Variants in GRAMD2A observed in about 807,000 individuals in gnomAD.
GRAMD2A encodes the protein GRAM domain-containing protein 2A.
Under a neutral mutation model 51.1 loss-of-function variants are expected in GRAMD2A, and 37 were observed. The observed-to-expected ratio is 0.72, with a 90% CI of 0.56 to 0.95. The LOEUF is 0.95. GRAMD2A is among the 40% of genes least tolerant of loss of function. The probability of loss-of-function intolerance (pLI) is 0.00; values close to 1 mark genes in which losing one functional copy is unlikely to be tolerated. For missense variants in GRAMD2A, 414 were observed against 426.9 expected (o/e 0.97, Z 0.27); for synonymous variants, 136 against 157.1 (o/e 0.87, Z 1.01).
chr15:72,164,142 C>T lies in GRAMD2A; in HGVS notation c.601-385G>A, dbSNP rs1360721132. On this transcript the variant is annotated intron_variant, in intron 8 of 11. Coordinates refer to ENST00000309731, the MANE Select transcript of GRAMD2A (RefSeq NM_001012642.3). ...CCTAACCTTGGCAGGGAGGACTTAGCGTCCCCATCTACAAAAATGGGAACT... is the reference window on the plus strand; with the variant it reads ...CCTAACCTTGGCAGGGAGGACTTAGTGTCCCCATCTACAAAAATGGGAACT... Among the ~76,000 whole-genome samples, 8 of 152,144 alleles carry T rather than the reference C, an allele frequency of 5.3e-5. 1 individual carries two copies. In the South Asian group the frequency reaches 8.3e-4, roughly 16 times the overall value.
chr15:72,178,617 C>T (rs2081672779), intron 1 of GRAMD2A, among the ~76,000 whole-genome samples: 2 of 140,872 alleles, frequency 1.4e-5, no homozygotes, highest in Admixed American at 7.2e-5. Context: ...GCTCTATCGC[C>T]CAGGCTGGAG....
At position 72,159,874 on chromosome 15, in the gene GRAMD2A, A is replaced by C. The variant is rs1243106765; in HGVS notation, c.*2135T>G. The C allele has an allele frequency of 6.6e-6, 1 of 152,218 alleles. No homozygotes were observed. The highest frequency in any genetic ancestry group is 1.5e-5 in the Non-Finnish European group (1 of 68,050). The allele number at this position is 152,218 out of a possible 1,614,324, so 9.4% of individuals were successfully genotyped here. Reference sequence around the variant, plus strand: ...GGCTAAGGCCATAGCAAAACAACCCAAGGGTGGTTGAATCAAACTCAGGGA... The same window carrying C: ...GGCTAAGGCCATAGCAAAACAACCCCAGGGTGGTTGAATCAAACTCAGGGA... On this transcript the variant is annotated 3_prime_UTR_variant, in exon 12 of 12. Coordinates refer to ENST00000309731, the MANE Select transcript of GRAMD2A (RefSeq NM_001012642.3).
chr15:72,186,913 G>C (rs1475708589), intron 1 of GRAMD2A, among the ~76,000 whole-genome samples: 1 of 151,586 alleles, frequency 6.6e-6, no homozygotes, highest in Non-Finnish European at 1.5e-5. Context: ...TTGAGAAGCC[G>C]AGACAGGTGG....
At chr15:72,168,876 T>C in intron 3 of GRAMD2A, 63 bp downstream of exon 3, 1 of 1,503,810 alleles carries the variant, frequency 6.6e-7, no homozygotes, top group Non-Finnish European at 9.3e-7. Flanking sequence ...CAAAAGTCAC[T>C]GAATTCTGGC....
chr15:72,169,882 C>T lies in GRAMD2A; in HGVS notation c.99G>A (p.Glu33=). 6.2e-7 allele frequency: 1 copy of T among 1,614,202 alleles called. No individual in the cohort carries two copies. Among genetic ancestry groups the T allele is most frequent in the Non-Finnish European group, 8.5e-7 (1 of 1,180,028 alleles). The part of the protein sequence containing the change: ...ASLNSPVSCK[E]KPDRVEEPPD... ...GGGGCTCCTCAACTCTGTCTGGTTTCTCTTTGCAGGACACAGGACTGTTCA... is the reference window on the plus strand; with the variant it reads ...GGGGCTCCTCAACTCTGTCTGGTTTTTCTTTGCAGGACACAGGACTGTTCA... Residue 33 remains glutamate, a synonymous_variant, in exon 2 of 12, where the codon GAG becomes GAA. Coordinates refer to ENST00000309731, the MANE Select transcript of GRAMD2A (RefSeq NM_001012642.3).
rs914667985 is a variant in GRAMD2A, at chr15:72,170,536, G to A, written c.42-597C>T. Among the ~76,000 whole-genome samples, 1 of 152,170 alleles carries A rather than the reference G, an allele frequency of 6.6e-6. No individual in the cohort carries two copies. The highest frequency in any genetic ancestry group is 2.4e-5 in the African/African-American group (1 of 41,428). On this transcript the variant is annotated intron_variant, in intron 1 of 11. Coordinates refer to ENST00000309731, the MANE Select transcript of GRAMD2A (RefSeq NM_001012642.3). This position sits in a 1 kb window ranked among gnomAD's most constrained non-coding sequence, Gnocchi z 4.5. ...CCACCTTGGACAGTCAGGACAGCTT[G>A]ATGATGAGAGCCAAACCATCTCAAA...
At position 72,161,753 on chromosome 15, in the gene GRAMD2A, T is replaced by G. The variant is rs2081478069; in HGVS notation, c.*256A>C. 2 of 504,200 alleles carry G rather than the reference T, an allele frequency of 4.0e-6. No homozygotes were observed. The highest frequency in any genetic ancestry group is 2.2e-5 in the South Asian group (1 of 45,008). 31.2% of individuals were successfully genotyped at this position (504,200 alleles called of 1,614,324 possible). A position where few individuals can be genotyped will look rare whatever the true frequency, so the allele number is the denominator to read the frequency against. ...TTTGCTGAAGCTTTGTGTACAGAAT[T>G]CCTCAGTTGGTTCCAAAAAATCTGG... On this transcript the variant is annotated 3_prime_UTR_variant, in exon 12 of 12. Coordinates refer to ENST00000309731, the MANE Select transcript of GRAMD2A (RefSeq NM_001012642.3).
At chr15:72,177,925 A>G (rs938932828) in intron 1 of GRAMD2A, among the ~76,000 whole-genome samples, 3 of 152,134 alleles carry the variant, frequency 2.0e-5, no homozygotes. Context: ...ACGGGGTTTC[A>G]CCATGTTGGC....
At position 72,161,917 on chromosome 15, in the gene GRAMD2A, G is replaced by T; in HGVS notation, c.*92C>A. ...TTCCTTCATAGGCAGTCTTAGCACA[G>T]CAGCAGCATAAACCACAGGGATCAT... On this transcript the variant is annotated 3_prime_UTR_variant, in exon 12 of 12. Transcript: ENST00000309731. The T allele has an allele frequency of 7.4e-7, 1 of 1,344,524 alleles. No individual in the cohort carries two copies. The highest frequency in any genetic ancestry group is 1.1e-6 in the Non-Finnish European group (1 of 934,252). 83.3% of individuals were successfully genotyped at this position (1,344,524 alleles called of 1,614,324 possible).
rs1366186478 is a variant in GRAMD2A, at chr15:72,170,215, C to A, written c.42-276G>T. 4 of 572,158 alleles carry A rather than the reference C, an allele frequency of 7.0e-6. No individual in the cohort carries two copies. Among genetic ancestry groups the A allele is most frequent in the Non-Finnish European group, 1.3e-5 (4 of 302,534 alleles). The allele number at this position is 572,158 out of a possible 1,614,324, so 35.4% of individuals were successfully genotyped here. A position where few individuals can be genotyped will look rare whatever the true frequency, so the allele number is the denominator to read the frequency against. On this transcript the variant is annotated intron_variant, in intron 1 of 11. Coordinates refer to ENST00000309731, the MANE Select transcript of GRAMD2A (RefSeq NM_001012642.3). The surrounding 1 kb of genome is among the most constrained non-coding windows in gnomAD (Gnocchi z 4.5). ...AGGAAAATCAACCTGTCTACCTCAT[C>A]TCCAGTGCCAGGCAGCTCGTAGGCC...
Position 72,166,924 on chromosome 15 carries a change from G to A in GRAMD2A, c.471+70C>T, listed in dbSNP as rs1344478332. The A allele has an allele frequency of 1.4e-5, 18 of 1,251,700 alleles. No homozygotes were observed. The highest frequency in any genetic ancestry group is 2.1e-4 in the Middle Eastern group (1 of 4,710). 77.5% of individuals were successfully genotyped at this position (1,251,700 alleles called of 1,614,324 possible). On this transcript the variant is annotated intron_variant, in intron 6 of 11. Transcript: ENST00000309731. This position sits in a 1 kb window ranked among gnomAD's most constrained non-coding sequence, Gnocchi z 4.1. The stretch of plus-strand genomic sequence containing the variant: ...GAAATAAAGACCTGGGAATGTGCCC[G>A]AGTCAGACTGTGGGCTGTCAGGGCT...
chr15:72,185,077 A>G (rs2081725376), intron 1 of GRAMD2A, among the ~76,000 whole-genome samples: 2 of 152,214 alleles, frequency 1.3e-5, no homozygotes, highest in South Asian at 4.1e-4. Flanking sequence ...CAAACGACTG[A>G]TTTTTTAACT....
Position 72,163,628 on chromosome 15 carries a change from T to C in GRAMD2A, c.730A>G (p.Lys244Glu). The C allele has an allele frequency of 1.9e-6, 3 of 1,598,878 alleles. No individual in the cohort carries two copies. The highest frequency in any genetic ancestry group is 2.6e-6 in the Non-Finnish European group (3 of 1,175,166). Residue 244 changes from lysine (K) to glutamate (E), a missense_variant, in exon 9 of 12, where the codon AAG becomes GAG. Transcript: ENST00000309731. ...DSTDSFFPSR[K>E]PPMSEKSRAQ... ...CCGAACTTACCAGACATTGGAGGCT[T>C]CCTGGAGGGGAAGAAACTGTCTGTG...
chr15:72,167,677 T>A, intron 5 of GRAMD2A, 59 bp downstream of exon 5: 1 of 1,304,678 alleles, frequency 7.7e-7, no homozygotes, highest in South Asian at 1.2e-5. Flanking sequence ...GGCATGCCCG[T>A]GGGGCAGGAG....
At chr15:72,172,417 C>A (rs934189517) in intron 1 of GRAMD2A, among the ~76,000 whole-genome samples, 1 of 148,906 alleles carries the variant, frequency 6.7e-6, no homozygotes, top group Non-Finnish European at 1.5e-5. Context: ...CCATGCCTAG[C>A]CTTTTTTTTT....
intron 1 of GRAMD2A, chr15:72,175,630 C>T (rs1342066708): frequency 6.6e-6 from 1 of 152,342 alleles, no homozygotes; most frequent in Non-Finnish European, 1.5e-5. Flanking sequence ...AAGCCTTCCT[C>T]AGTTTCCCCC....
At position 72,161,937 on chromosome 15, in the gene GRAMD2A, G is replaced by T. The variant is rs1246671292; in HGVS notation, c.*72C>A. 11 of 1,514,488 alleles carry T rather than the reference G, an allele frequency of 7.3e-6. No homozygotes were observed. The East Asian group carries it at 2.0e-4, about 28-fold the overall frequency. 93.8% of individuals were successfully genotyped at this position (1,514,488 alleles called of 1,614,324 possible). On this transcript the variant is annotated 3_prime_UTR_variant, in exon 12 of 12. Transcript: ENST00000309731. ...GCACAGCAGCAGCATAAACCACAGG[G>T]ATCATTGGTGGAGACTTAGCACCCA...
intron 1 of GRAMD2A, among the ~76,000 whole-genome samples, chr15:72,174,582 G>A (rs573112604): frequency 3.0e-4 from 45 of 152,146 alleles, no homozygotes; most frequent in Non-Finnish European, 5.7e-4. Flanking sequence ...CATTAAAGGA[G>A]GTACAAAAGA....
intron 1 of GRAMD2A, among the ~76,000 whole-genome samples, chr15:72,195,970 T>C (rs1486065378): frequency 6.6e-6 from 1 of 152,034 alleles, no homozygotes; most frequent in African/African-American, 2.4e-5. Context: ...AAGGCACAGA[T>C]GGAGCTTGAG....
Sources: allele counts gnomAD v4.1 joint callset (sites outside exome capture counted in the v4.1 genomes callset), GRCh38; gene constraint gnomAD v4.1.1; non-coding constraint Gnocchi (gnomAD v3.1); transcripts MANE v1.5; gene names NCBI Gene and HGNC (gene_info 2026-07-23, HGNC 2026-07-21).